C2CD2: variants seen among roughly 807,000 people sequenced by gnomAD.
C2CD2 encodes C2 domain-containing protein 2.
C2CD2 carries 43 observed loss-of-function variants against 74.3 expected under a neutral mutation model. The observed-to-expected ratio is 0.58, with a 90% CI of 0.45 to 0.75. The LOEUF (loss-of-function observed/expected upper bound fraction) is 0.75, where lower values mean the gene tolerates loss of function less well. C2CD2 is among the 30% of genes least tolerant of loss of function. The probability of loss-of-function intolerance (pLI) is 0.00; values close to 1 mark genes in which losing one functional copy is unlikely to be tolerated. For synonymous variants in C2CD2, 422 were observed against 390.7 expected (o/e 1.08, Z -0.94); for missense variants, 801 against 916.3 (o/e 0.87, Z 1.63).
intron 10 of C2CD2, 99 bp downstream of exon 10, chr21:41,906,891 ACT>A (rs768358693): frequency 5.1e-5 from 43 of 848,816 alleles, no homozygotes; most frequent in Non-Finnish European, 8.1e-5. Context: ...ATTTCCTAAC[ACT>A]CGGCGCTGCA....
Position 41,912,391 on chromosome 21 carries a change from C to G in C2CD2, c.894G>C (p.Arg298Ser). 3 of 1,612,884 alleles carry G rather than the reference C, an allele frequency of 1.9e-6. No individual in the cohort carries two copies. The highest frequency in any genetic ancestry group is 2.5e-6 in the Non-Finnish European group (3 of 1,179,828). ...CVVQLNDPVQRFSSTLTKNTP... is the reference protein window; with the variant it reads ...CVVQLNDPVQSFSSTLTKNTP... Reference sequence around the variant, plus strand: ...TGTTTTTCGTCAGGGTGCTGGAGAACCTCTGAACAGGATCGTTCAGCTGCA... The same window carrying G: ...TGTTTTTCGTCAGGGTGCTGGAGAAGCTCTGAACAGGATCGTTCAGCTGCA... The change falls in exon 7 of 14, where the codon AGG (arginine) becomes AGC (serine). Residue 298 changes from arginine to serine, a missense_variant. By Grantham distance (110) the Arg-to-Ser change is moderately radical (BLOSUM62 -1). Coordinates refer to ENST00000380486, the MANE Select transcript of C2CD2 (RefSeq NM_015500.2).
At chr21:41,908,258 T>TGTGTGTGTGTGTGTGTG (rs2064988442) in intron 8 of C2CD2, 1 of 181,442 alleles carries the variant, frequency 5.5e-6, no homozygotes, top group Non-Finnish European at 1.1e-5. Flanking sequence ...TGTGTGTGTG[T>TGTGTGTGTGTGTGTGTG]GTGTAAAAGA....
chr21:41,906,331 C>T (rs1185784645), intron 10 of C2CD2, among the ~76,000 whole-genome samples: 1 of 152,138 alleles, frequency 6.6e-6, no homozygotes, highest in Non-Finnish European at 1.5e-5. Flanking sequence ...GTGTGCTGTC[C>T]CCACATACAG....
intron 1 of C2CD2, among the ~76,000 whole-genome samples, chr21:41,947,137 T>TCTCTCTCTCTCTCTCTCACC (rs778013814): frequency 3.9e-5 from 1 of 25,638 alleles, no homozygotes; most frequent in African/African-American, 1.6e-4. Context: ...TCTCTCTCTC[T>TCTCTCTCTCTCTCTCTCACC]CTCCCTCCCT....
At chr21:41,919,230 G>C (rs2065129079) in intron 3 of C2CD2, among the ~76,000 whole-genome samples, 1 of 152,234 alleles carries the variant, frequency 6.6e-6, no homozygotes, top group Non-Finnish European at 1.5e-5. Context: ...GCGGAAGTGT[G>C]CATGTGAGCA....
rs1334460851 is a variant in C2CD2, at chr21:41,926,576, G to A, written c.379-4491C>T. 6 of 957,114 alleles carry A rather than the reference G, an allele frequency of 6.3e-6. No individual in the cohort carries two copies. Among genetic ancestry groups the A allele is most frequent in the Non-Finnish European group, 7.5e-6 (6 of 804,320 alleles). 59.3% of individuals were successfully genotyped at this position (957,114 alleles called of 1,614,324 possible). Reference sequence around the variant, plus strand: ...TGACCTCATGTAGTCACATACCTATGCAAACAGCGCTTATCTGGAAACTAT... The same window carrying A: ...TGACCTCATGTAGTCACATACCTATACAAACAGCGCTTATCTGGAAACTAT... On this transcript the variant is annotated intron_variant, in intron 2 of 13. Coordinates refer to ENST00000380486, the MANE Select transcript of C2CD2 (RefSeq NM_015500.2). This position sits in a 1 kb window ranked among gnomAD's most constrained non-coding sequence, Gnocchi z 8.0.
intron 4 of C2CD2, among the ~76,000 whole-genome samples, chr21:41,918,634 G>A (rs2065119864): frequency 6.6e-6 from 1 of 152,056 alleles, no homozygotes; most frequent in Non-Finnish European, 1.5e-5. Flanking sequence ...AGCTCAGGTG[G>A]GAGCCCTGCA....
At chr21:41,942,313 G>C (rs889668481) in intron 1 of C2CD2, 68 bp from the exon 2 acceptor site, 6 of 1,226,484 alleles carry the variant, frequency 4.9e-6, no homozygotes, top group African/African-American at 4.6e-5. Flanking sequence ...TTACATATCT[G>C]TTTAAAGTTC....
In C2CD2 at chr21:41,886,493, C is replaced by G. The variant is rs2064685518; in HGVS notation, c.*2631G>C. The G allele has an allele frequency of 6.6e-6, 1 of 152,178 alleles. No homozygotes were observed. The highest frequency in any genetic ancestry group is 2.1e-4 in the South Asian group (1 of 4,830). 9.4% of individuals were successfully genotyped at this position (152,178 alleles called of 1,614,324 possible). A position where few individuals can be genotyped will look rare whatever the true frequency, so the allele number is the denominator to read the frequency against. On this transcript the variant is annotated 3_prime_UTR_variant, in exon 14 of 14. Transcript: ENST00000380486. ...GAAGCTAGCCGACGTGTTGCCTTTG[C>G]CTTTGCTTCATAAACTCCCTCCCAT...
rs764104791 is a variant in C2CD2 at position 41,889,332 on chromosome 21, C to T, written c.1883G>A (p.Arg628Lys). 1.2e-6 allele frequency: 2 copies of T among 1,613,214 alleles called. No homozygotes were observed. The highest frequency in any genetic ancestry group is 2.7e-5 in the African/African-American group (2 of 74,914). Residue 628 changes from arginine to lysine, a missense_variant, in exon 14 of 14, where the codon AGG becomes AAG. Transcript: ENST00000380486. ...GCGGAAGAACAGCTTTGCACCTTTC[C>T]TTAGAATTCCTCCTGGAAGAGGGAG... is the stretch of plus-strand genomic sequence containing the variant. ...TAKKHKGGIL[R>K]KGAKLFFRRR...
At chr21:41,908,243 T>TTGTGTGTGTCTGTGTGTGTGTG in intron 8 of C2CD2, 1 of 167,382 alleles carries the variant, frequency 6.0e-6, no homozygotes, top group Non-Finnish European at 1.2e-5. Context: ...TACCCTCAAG[T>TTGTGTGTGTCTGTGTGTGTGTG]TGTGTGTGTG....
chr21:41,941,688 C>A (rs2065355390), intron 2 of C2CD2, among the ~76,000 whole-genome samples: 1 of 152,172 alleles, frequency 6.6e-6, no homozygotes, highest in South Asian at 2.1e-4. Flanking sequence ...CAACTATCAC[C>A]ACCATCAGTT....
Position 41,909,268 on chromosome 21 carries a change from C to A in C2CD2, c.1018+191G>T, listed in dbSNP as rs144994220. Among the ~76,000 whole-genome samples, 646 of 152,178 alleles carry A rather than the reference C, an allele frequency of 4.2e-3. 2 individuals are homozygous for A. The highest frequency in any genetic ancestry group is 0.031 in the Middle Eastern group (9 of 294). On this transcript the variant is annotated intron_variant, in intron 8 of 13. Transcript: ENST00000380486. ...AACAAAAAATCCAGTTGAACATTTC[C>A]CCAAAATGTATGACCTTGTTAATAA...
rs1341089287 is a variant in C2CD2, at chr21:41,893,707, T to G, written c.1871-4363A>C. Among the ~76,000 whole-genome samples the G allele has an allele frequency of 2.0e-4, 30 of 148,134 alleles. 1 individual carries two copies. Among genetic ancestry groups the G allele is most frequent in the Admixed American group, 1.9e-3 (29 of 15,004 alleles). On this transcript the variant is annotated intron_variant, in intron 13 of 13. Coordinates refer to ENST00000380486, the MANE Select transcript of C2CD2 (RefSeq NM_015500.2). ...CTGTTTTGTTAAATTTCTTTTTTTT[T>G]TTTTTTTTTTTTGAGACGGAGTCTC...
At chr21:41,890,113 C>T (rs1364109651) in intron 13 of C2CD2, among the ~76,000 whole-genome samples, 1 of 152,130 alleles carries the variant, frequency 6.6e-6, no homozygotes, top group African/African-American at 2.4e-5. Flanking sequence ...CCAATTAAGA[C>T]CCTGAGAACA....
chr21:41,901,503 G>T, intron 12 of C2CD2, 119 bp downstream of exon 12: 1 of 1,033,706 alleles, frequency 9.7e-7, no homozygotes, highest in Non-Finnish European at 1.5e-6. Flanking sequence ...TTTGACATTT[G>T]TAAATGGAAC....
intron 7 of C2CD2, 103 bp from the exon 8 acceptor site, chr21:41,909,626 C>A: frequency 1.2e-6 from 1 of 827,674 alleles, no homozygotes; most frequent in South Asian, 1.4e-5. Context: ...ACAAAGATGT[C>A]AATATTTAAC....
chr21:41,907,933 A>C, intron 8 of C2CD2, 149 bp from the exon 9 acceptor site: 1 of 781,386 alleles, frequency 1.3e-6, no homozygotes, highest in Non-Finnish European at 2.2e-6. Context: ...ATGTTTGAAA[A>C]ATGTCGATGC....
intron 13 of C2CD2, among the ~76,000 whole-genome samples, chr21:41,897,395 GCACT>G (rs1371300003): frequency 1.3e-5 from 2 of 152,162 alleles, no homozygotes; most frequent in African/African-American, 2.4e-5. Context: ...GCTTCGCCCA[GCACT>G]CACTGTCTAC....
Sources: gnomAD v4.1 joint callset for allele counts (sites outside exome capture counted in the v4.1 genomes callset) on GRCh38, gnomAD v4.1.1 for gene constraint, Gnocchi (gnomAD v3.1) non-coding constraint, MANE v1.5 for transcripts, NCBI Gene and HGNC (gene_info 2026-07-23, HGNC 2026-07-21) for gene names.